Variants in SLC39A10 observed in about 807,000 individuals in gnomAD.
SLC39A10 encodes the protein zinc transporter ZIP10.
A neutral mutation model predicts 65.1 loss-of-function variants in SLC39A10; 13 were observed. That is an observed-to-expected ratio of 0.20 (90% CI 0.13 to 0.32). The LOEUF (loss-of-function observed/expected upper bound fraction) is 0.32, where lower values mean the gene tolerates loss of function less well. Ranked by LOEUF, SLC39A10 falls within the 10% of genes least tolerant of loss-of-function variation. SLC39A10 has a pLI of 1.00. For missense variants in SLC39A10, 831 were observed against 1,018.4 expected (o/e 0.82, Z 2.50); for synonymous variants, 321 against 342.2 (o/e 0.94, Z 0.68).
intron 3 of SLC39A10, among the ~76,000 whole-genome samples, chr2:195,687,665 T>C (rs978364429): frequency 3.9e-5 from 6 of 152,234 alleles, no homozygotes; most frequent in African/African-American, 1.2e-4. Context: ...TGCTAGTAAT[T>C]AGTTTTAATG....
chr2:195,665,566 G>A (rs1444820878), intron 1 of SLC39A10, among the ~76,000 whole-genome samples: 4 of 152,018 alleles, frequency 2.6e-5, no homozygotes, highest in East Asian at 1.9e-4. Context: ...TTATTGGTTT[G>A]TCAACTAAAA....
At position 195,706,768 on chromosome 2, in the gene SLC39A10, C is replaced by A; in HGVS notation, c.1369C>A (p.Leu457Ile). The change falls in exon 4 of 10, where the codon CTT (leucine) becomes ATT (isoleucine). Residue 457 changes from leucine (L) to isoleucine (I), a missense_variant. By Grantham distance (5) the Leu-to-Ile change is conservative (BLOSUM62 2). This residue lies in a region of SLC39A10 where 35 missense variants were observed against 72.4 expected (regional missense o/e 0.48). Coordinates refer to ENST00000359634, the MANE Select transcript of SLC39A10 (RefSeq NM_020342.3). ...AVGTMSGDAL[L>I]HLLPHSQGGH... ...AGGAACAATGAGTGGAGACGCCCTT[C>A]TTCATCTACTGCCCCATGTAAGAAA... 6.4e-7 allele frequency: 1 copy of A among 1,561,550 alleles called. No homozygotes were observed. Among genetic ancestry groups the A allele is most frequent in the Admixed American group, 2.0e-5 (1 of 49,820 alleles).
chr2:195,693,471 G>C (rs1314282030), intron 3 of SLC39A10, among the ~76,000 whole-genome samples: 1 of 151,424 alleles, frequency 6.6e-6, no homozygotes. Flanking sequence ...TTTGTTGGCT[G>C]TTTCAATCTC....
upstream of SLC39A10, among the ~76,000 whole-genome samples, chr2:195,653,444 G>A (rs1318368483): frequency 1.3e-5 from 2 of 151,962 alleles, no homozygotes; most frequent in East Asian, 1.9e-4. Context: ...ACAGGTGCCC[G>A]CCACCATGCC....
chr2:195,636,743 A>G (rs1250825162), intron 2 of SLC39A10, among the ~76,000 whole-genome samples: 3 of 151,670 alleles, frequency 2.0e-5, no homozygotes, highest in South Asian at 2.1e-4. Context: ...ACAGAGCAAG[A>G]CTCTGTCTAA....
Position 195,716,689 on chromosome 2 carries a change from A to G in SLC39A10, c.1749A>G (p.Thr583=). 6.2e-7 allele frequency: 1 copy of G among 1,613,662 alleles called. No homozygotes were observed. Among genetic ancestry groups the G allele is most frequent in the Non-Finnish European group, 8.5e-7 (1 of 1,179,788 alleles). ...ATCGACTTAATGAAACTGAACTGAC[A>G]GATTTAGAAGGCCAACAAGAATCCC... ...SEDRLNETEL[T]DLEGQQESPP... The change falls in exon 7 of 10, where the codon ACA becomes ACG. Residue 583 remains threonine, a synonymous_variant. Coordinates refer to ENST00000359634, the MANE Select transcript of SLC39A10 (RefSeq NM_020342.3).
At chr2:195,615,338 T>A (rs571683484) in intron 2 of SLC39A10, among the ~76,000 whole-genome samples, 3 of 152,294 alleles carry the variant, frequency 2.0e-5, no homozygotes, top group Non-Finnish European at 2.9e-5. Flanking sequence ...CAGTTTTTGT[T>A]TGTTTTATAG....
At chr2:195,622,972 CAAAAAAAA>C (rs11440347) in intron 2 of SLC39A10, among the ~76,000 whole-genome samples, 36 of 96,862 alleles carry the variant, frequency 3.7e-4, no homozygotes, top group Admixed American at 6.6e-4. Flanking sequence ...ACTCCTGTCT[CAAAAAAAA>C]AAAAAAAAAA....
Position 195,675,591 on chromosome 2 carries a change from C to G in SLC39A10, c.-11-4441C>G, listed in dbSNP as rs140101089. Among the ~76,000 whole-genome samples the G allele has an allele frequency of 1.5e-3, 227 of 152,306 alleles. 1 individual carries two copies. Among genetic ancestry groups the G allele is most frequent in the African/African-American group, 5.1e-3 (212 of 41,568 alleles). ...GTACTACAGGCGCCCGTCACCATGC[C>G]TGGCTAATTTTTTTGAATCTTCAGT... On this transcript the variant is annotated intron_variant, in intron 1 of 9. Coordinates refer to ENST00000359634, the MANE Select transcript of SLC39A10 (RefSeq NM_020342.3).
chr2:195,710,251 A>G (rs1224394540), intron 5 of SLC39A10, among the ~76,000 whole-genome samples: 1 of 152,222 alleles, frequency 6.6e-6, no homozygotes, highest in Non-Finnish European at 1.5e-5. Context: ...TCTGCCTTTT[A>G]AAGCTCTATC....
At chr2:195,705,956 A>G (rs1488103016) in intron 3 of SLC39A10, among the ~76,000 whole-genome samples, 1 of 152,174 alleles carries the variant, frequency 6.6e-6, no homozygotes, top group Non-Finnish European at 1.5e-5. Flanking sequence ...TGAGCCAGTT[A>G]AAATTATATA....
chr2:195,734,834 T>C, intron 9 of SLC39A10, 49 bp from the exon 10 acceptor site: 1 of 1,500,344 alleles, frequency 6.7e-7, no homozygotes, highest in South Asian at 1.4e-5. Context: ...AAAAACTGTT[T>C]TGAGCAGAAG....
At chr2:195,628,464 C>G (rs751825411) in intron 2 of SLC39A10, among the ~76,000 whole-genome samples, 4 of 152,206 alleles carry the variant, frequency 2.6e-5, no homozygotes, top group Admixed American at 1.3e-4. Flanking sequence ...CACTTTAATT[C>G]ATTACTGAAT....
chr2:195,688,391 A>C (rs1249055943), intron 3 of SLC39A10, among the ~76,000 whole-genome samples: 1 of 152,180 alleles, frequency 6.6e-6, no homozygotes, highest in Non-Finnish European at 1.5e-5. Context: ...TTCTACAAAT[A>C]AAGTATTTAA....
chr2:195,634,205 G>A (rs949523027), intron 2 of SLC39A10, among the ~76,000 whole-genome samples: 9 of 152,164 alleles, frequency 5.9e-5, no homozygotes, highest in Admixed American at 2.6e-4. Context: ...ACAGAATAAC[G>A]AATACTTTTC....
intron 2 of SLC39A10, among the ~76,000 whole-genome samples, chr2:195,625,422 C>T (rs1438316050): frequency 1.3e-5 from 2 of 151,458 alleles, no homozygotes. Context: ...ATTACAGGCA[C>T]CTGCCACCAC....
At chr2:195,624,436 A>C (rs912242854) in intron 2 of SLC39A10, among the ~76,000 whole-genome samples, 1 of 151,128 alleles carries the variant, frequency 6.6e-6, no homozygotes, top group Non-Finnish European at 1.5e-5. Context: ...AAACAAGACA[A>C]AAAAATCACT....
Position 195,728,458 on chromosome 2 carries a change from T to C in SLC39A10, c.2337+109T>C, listed in dbSNP as rs554388785. 9.7e-7 allele frequency: 1 copy of C among 1,035,610 alleles called. No individual in the cohort carries two copies. The highest frequency in any genetic ancestry group is 2.5e-5 in the East Asian group (1 of 40,106). 64.2% of individuals were successfully genotyped at this position (1,035,610 alleles called of 1,614,324 possible). ...GAAAATATAACTCATTTTAAAGACATAATATCCTAAATAATCTCTTAAGGA... is the reference window on the plus strand; with the variant it reads ...GAAAATATAACTCATTTTAAAGACACAATATCCTAAATAATCTCTTAAGGA... On this transcript the variant is annotated intron_variant, in intron 9 of 9. Transcript: ENST00000359634. The surrounding 1 kb of genome is among the most constrained non-coding windows in gnomAD (Gnocchi z 4.4).
At chr2:195,721,365 T>C (rs1262279425) in intron 8 of SLC39A10, among the ~76,000 whole-genome samples, 1 of 152,216 alleles carries the variant, frequency 6.6e-6, no homozygotes, top group East Asian at 1.9e-4. Flanking sequence ...GTAGTGTGGG[T>C]GCCTGAATCT....
Sources: gnomAD v4.1 joint callset for allele counts (sites outside exome capture counted in the v4.1 genomes callset) on GRCh38, gnomAD v4.1.1 for gene constraint, gnomAD v4.1.1 regional missense constraint, Gnocchi (gnomAD v3.1) non-coding constraint, MANE v1.5 for transcripts, NCBI Gene and HGNC (gene_info 2026-07-23, HGNC 2026-07-21) for gene names.